The following FGF7 variants were observed in gnomAD, a reference collection of about 807,000 sequenced individuals.
The protein encoded by FGF7 is fibroblast growth factor 7.
FGF7 carries 6 observed loss-of-function variants against 20.5 expected under a neutral mutation model. The observed-to-expected ratio is 0.29, with a 90% CI of 0.16 to 0.58. The LOEUF (loss-of-function observed/expected upper bound fraction) is 0.58. FGF7 is among the 20% of genes least tolerant of loss of function. FGF7 has a pLI of 0.90. For synonymous variants in FGF7, 64 were observed against 74.7 expected, an observed-to-expected ratio of 0.86 and a Z score of 0.74; for missense variants, 144 against 228.8, an observed-to-expected ratio of 0.63 and a Z score of 2.39.
intron 2 of FGF7, among the ~76,000 whole-genome samples, chr15:49,432,994 A>C (rs2050750760): frequency 1.3e-5 from 2 of 151,718 alleles, no homozygotes; most frequent in South Asian, 2.1e-4. Flanking sequence ...TAAAACAATA[A>C]ATTTTTACTT....
intron 2 of FGF7, among the ~76,000 whole-genome samples, chr15:49,471,532 T>TA (rs1363267249): frequency 1.3e-4 from 18 of 143,130 alleles, no homozygotes; most frequent in East Asian, 9.9e-4. Context: ...ATAATAATAA[T>TA]ATGGCAAATG....
rs564383028 is a variant in FGF7, at chr15:49,478,965, T to A, written c.287-4186T>A. 1.2e-3 allele frequency among the ~76,000 whole-genome samples: 177 copies of A among 152,296 alleles called. 1 individual carries two copies. The highest frequency in any genetic ancestry group is 6.8e-3 in the South Asian group (33 of 4,820). ...TATGAAAGATTTTAGAGAATTTTTT[T>A]AAAAAGTAATTGCAATTTAGATCAA... On this transcript the variant is annotated intron_variant, in intron 2 of 3. Transcript: ENST00000267843.
chr15:49,476,921 G>A (rs548633949), intron 2 of FGF7, among the ~76,000 whole-genome samples: 6 of 152,170 alleles, frequency 3.9e-5, no homozygotes, highest in Admixed American at 1.3e-4. Flanking sequence ...TTAGCCGGGC[G>A]TGGTGGCGGG....
chr15:49,447,747 T>G (rs2052357546), intron 2 of FGF7, among the ~76,000 whole-genome samples: 1 of 151,692 alleles, frequency 6.6e-6, no homozygotes, highest in South Asian at 2.1e-4. Flanking sequence ...GTGGAATGAC[T>G]TTGTCCTCAT....
chr15:49,430,660 G>C (rs932889244), intron 2 of FGF7, among the ~76,000 whole-genome samples: 4 of 151,888 alleles, frequency 2.6e-5, no homozygotes, highest in African/African-American at 9.7e-5. Flanking sequence ...GTGGAAGGTA[G>C]AAGGGCAAGA....
intron 2 of FGF7, among the ~76,000 whole-genome samples, chr15:49,434,101 G>A (rs926078618): frequency 6.6e-6 from 1 of 151,510 alleles, no homozygotes; most frequent in African/African-American, 2.4e-5. Context: ...TTTAGTGCCA[G>A]TAGCCTGATC....
intron 2 of FGF7, among the ~76,000 whole-genome samples, chr15:49,435,886 A>C (rs996336328): frequency 1.2e-4 from 18 of 151,626 alleles, no homozygotes; most frequent in Non-Finnish European, 1.8e-4. Flanking sequence ...TACAATGTAC[A>C]ACTGGGAACA....
chr15:49,447,159 A>G (rs935774072), intron 2 of FGF7, among the ~76,000 whole-genome samples: 41 of 151,638 alleles, frequency 2.7e-4, no homozygotes, highest in Non-Finnish European at 3.0e-5. Context: ...TATTTCTTGT[A>G]ATAATAATTT....
At chr15:49,462,426 C>T (rs2053886362) in intron 2 of FGF7, among the ~76,000 whole-genome samples, 2 of 152,132 alleles carry the variant, frequency 1.3e-5, no homozygotes. Flanking sequence ...AGAGAGCTGG[C>T]CTTAGTCCAG....
intron 2 of FGF7, among the ~76,000 whole-genome samples, chr15:49,451,892 T>G (rs567314780): frequency 1.3e-5 from 2 of 152,258 alleles, no homozygotes; most frequent in Admixed American, 1.3e-4. Context: ...TTACATGCGG[T>G]TCTTCCAGTA....
intron 2 of FGF7, among the ~76,000 whole-genome samples, chr15:49,471,734 G>A (rs1453556570): frequency 6.6e-6 from 1 of 152,030 alleles, no homozygotes; most frequent in East Asian, 1.9e-4. Context: ...AGAAAAGCTA[G>A]CTGACATTAG....
chr15:49,483,552 T>A (rs2056141897), intron 3 of FGF7, among the ~76,000 whole-genome samples: 2 of 152,154 alleles, frequency 1.3e-5, no homozygotes, highest in South Asian at 4.1e-4. Flanking sequence ...AATCCAAAAT[T>A]TCCATTTGCC....
At chr15:49,482,147 T>TGTACCTTCATGTACA in intron 2 of FGF7, among the ~76,000 whole-genome samples, 1 of 152,156 alleles carries the variant, frequency 6.6e-6, no homozygotes, top group South Asian at 2.1e-4. Flanking sequence ...GTCTCAGGAC[T>TGTACCTTCATGTACA]GTACCTTCAT....
At chr15:49,456,543 A>G (rs907179171) in intron 2 of FGF7, among the ~76,000 whole-genome samples, 3 of 152,182 alleles carry the variant, frequency 2.0e-5, no homozygotes, top group Non-Finnish European at 4.4e-5. Flanking sequence ...CTGGATATAT[A>G]TAAAAATAAG....
intron 2 of FGF7, among the ~76,000 whole-genome samples, chr15:49,441,347 C>T (rs1001537918): frequency 4.0e-5 from 6 of 151,804 alleles, no homozygotes; most frequent in Non-Finnish European, 8.9e-5. Context: ...GAAAGCATAA[C>T]ATATGTCTTG....
In FGF7 at chr15:49,486,912, T is replaced by C. The variant is rs946100574; in HGVS notation, c.*2408T>C. ...GGCCTCCATCCCTCTTACTCATTTG[T>C]AGTCTAGGAAATTGAGATTTTGATA... On this transcript the variant is annotated 3_prime_UTR_variant, in exon 4 of 4. Coordinates refer to ENST00000267843, the MANE Select transcript of FGF7 (RefSeq NM_002009.4). The C allele has an allele frequency of 1.3e-5, 2 of 151,964 alleles. No individual in the cohort carries two copies. Among genetic ancestry groups the C allele is most frequent in the Non-Finnish European group, 2.9e-5 (2 of 67,908 alleles). The allele number at this position is 151,964 out of a possible 1,614,324, so 9.4% of individuals were successfully genotyped here. A position where few individuals can be genotyped will look rare whatever the true frequency, so the allele number is the denominator to read the frequency against.
At chr15:49,432,140 T>G (rs373066326) in intron 2 of FGF7, among the ~76,000 whole-genome samples, 40 of 151,876 alleles carry the variant, frequency 2.6e-4, no homozygotes, top group African/African-American at 9.6e-4. Flanking sequence ...ATTTGTTATA[T>G]TCTATTGTAA....
At chr15:49,477,233 T>G (rs1369881517) in intron 2 of FGF7, among the ~76,000 whole-genome samples, 2 of 152,230 alleles carry the variant, frequency 1.3e-5, no homozygotes, top group Non-Finnish European at 2.9e-5. Context: ...TTGCTTTGTA[T>G]AGTTCTATGA....
In FGF7 at chr15:49,424,139, A is replaced by C; in HGVS notation, c.-159A>C. 1 of 590,940 alleles carries C rather than the reference A, an allele frequency of 1.7e-6. No homozygotes were observed. The highest frequency in any genetic ancestry group is 2.9e-6 in the Non-Finnish European group (1 of 338,990). The allele number at this position is 590,940 out of a possible 1,614,324, so 36.6% of individuals were successfully genotyped here. Reference sequence around the variant, plus strand: ...GAGGAATCCTGTGTTGTTATCAGGAACTAAAAGGATAAGGCTAACAATTTG... The same window carrying C: ...GAGGAATCCTGTGTTGTTATCAGGACCTAAAAGGATAAGGCTAACAATTTG... On this transcript the variant is annotated 5_prime_UTR_variant, in exon 2 of 4. Coordinates refer to ENST00000267843, the MANE Select transcript of FGF7 (RefSeq NM_002009.4).
Sources: allele counts gnomAD v4.1 joint callset (sites outside exome capture counted in the v4.1 genomes callset), GRCh38; gene constraint gnomAD v4.1.1; transcripts MANE v1.5; gene names NCBI Gene and HGNC (gene_info 2026-07-23, HGNC 2026-07-21).